Variants in MYCBP2 observed in about 807,000 individuals in gnomAD.
The protein encoded by MYCBP2 is MYC binding protein 2.
In MYCBP2, 120 loss-of-function variants were observed where a neutral mutation model predicts 525.3. The observed-to-expected ratio is 0.23, with a 90% CI of 0.20 to 0.27. The LOEUF is 0.27. Among genes scored for constraint, MYCBP2 ranks in the 10% least tolerant of loss-of-function variants. The pLI is 1.00. For synonymous variants in MYCBP2, 1,894 were observed against 1,955.8 expected (o/e 0.97, Z 0.83); for missense variants, 4,149 against 5,657.1 (o/e 0.73, Z 8.55).
chr13:77,270,601 G>C (rs559011924), intron 5 of MYCBP2, 63 bp from the exon 6 acceptor site: 9 of 1,457,348 alleles, frequency 6.2e-6, no homozygotes, highest in Middle Eastern at 3.7e-4. Context: ...ACAGAACAAA[G>C]ATACTTTGGT....
chr13:77,072,847 A>ATC (rs1310129629), intron 68 of MYCBP2, among the ~76,000 whole-genome samples: 12 of 152,192 alleles, frequency 7.9e-5, no homozygotes, highest in Non-Finnish European at 5.9e-5. Flanking sequence ...CAGCTCTGTT[A>ATC]TCTATTAAAG....
intron 4 of MYCBP2, among the ~76,000 whole-genome samples, chr13:77,276,529 G>C (rs922737058): frequency 6.6e-6 from 1 of 152,166 alleles, no homozygotes; most frequent in African/African-American, 2.4e-5. Flanking sequence ...AAGCAGTGAC[G>C]AGATCAGCAG....
intron 49 of MYCBP2, chr13:77,144,023 A>C (rs890854553): frequency 5.2e-6 from 1 of 190,516 alleles, no homozygotes; most frequent in African/African-American, 2.3e-5. Context: ...GATTAACACA[A>C]TGATCGATTT....
At chr13:77,322,295 G>C (rs1385419102) in intron 1 of MYCBP2, among the ~76,000 whole-genome samples, 1 of 152,162 alleles carries the variant, frequency 6.6e-6, no homozygotes, top group Non-Finnish European at 1.5e-5. Context: ...GTTAAGTTTA[G>C]ATTCCCCATT....
At chr13:77,264,506 T>A (rs1191807522) in intron 8 of MYCBP2, among the ~76,000 whole-genome samples, 1 of 152,142 alleles carries the variant, frequency 6.6e-6, no homozygotes, top group African/African-American at 2.4e-5. Context: ...CACTTAAAAA[T>A]TCAATGTTTA....
chr13:77,257,079 C>T (rs1217755196), intron 14 of MYCBP2, among the ~76,000 whole-genome samples: 1 of 152,066 alleles, frequency 6.6e-6, no homozygotes, highest in African/African-American at 2.4e-5. Flanking sequence ...CTATCATTTG[C>T]AACAACAAGG....
intron 4 of MYCBP2, among the ~76,000 whole-genome samples, 168 bp downstream of exon 4, chr13:77,278,590 G>A (rs1419256809): frequency 6.6e-6 from 1 of 152,192 alleles, no homozygotes; most frequent in Non-Finnish European, 1.5e-5. Context: ...GTGATGTTAT[G>A]ATTCATGAAT....
chr13:77,183,061 C>T (rs942406648), intron 32 of MYCBP2, among the ~76,000 whole-genome samples: 7 of 152,112 alleles, frequency 4.6e-5, no homozygotes, highest in African/African-American at 1.4e-4. Flanking sequence ...TGGTAAATTA[C>T]ATCGATTTTC....
chr13:77,296,239 G>A (rs889164954), intron 2 of MYCBP2, among the ~76,000 whole-genome samples: 3 of 152,020 alleles, frequency 2.0e-5, no homozygotes, highest in African/African-American at 4.8e-5. Flanking sequence ...GGCCAATACC[G>A]TGAGACCCTG....
At chr13:77,282,411 GA>G (rs35046756) in intron 3 of MYCBP2, among the ~76,000 whole-genome samples, 5,068 of 108,352 alleles carry the variant, frequency 0.047, 194 homozygotes, top group East Asian at 0.21. Context: ...ACTCCATCTT[GA>G]AAAAAAAAAA....
In MYCBP2 at chr13:77,045,306, G is replaced by A. The variant is rs2035333522; in HGVS notation, c.*72C>T. The A allele has an allele frequency of 3.2e-5, 34 of 1,047,264 alleles. No homozygotes were observed. In the South Asian group the frequency reaches 4.5e-4, roughly 14 times the overall value. 64.9% of individuals were successfully genotyped at this position (1,047,264 alleles called of 1,614,324 possible). A position where few individuals can be genotyped will look rare whatever the true frequency, so the allele number is the denominator to read the frequency against. On this transcript the variant is annotated 3_prime_UTR_variant, in exon 83 of 83. Transcript: ENST00000544440. ...TGGTCCCGTCCTTATCCTGAGCAGA[G>A]TTTAAACTTCACCGCATCCTCTTGG...
chr13:77,321,265 T>A (rs569975519), intron 1 of MYCBP2, among the ~76,000 whole-genome samples: 2 of 152,358 alleles, frequency 1.3e-5, no homozygotes, highest in South Asian at 4.1e-4. Flanking sequence ...TTTTTTCTTC[T>A]CTTGAGTTAG....
intron 1 of MYCBP2, among the ~76,000 whole-genome samples, chr13:77,314,815 T>A (rs1273257488): frequency 6.6e-6 from 1 of 152,062 alleles, no homozygotes; most frequent in South Asian, 2.1e-4. Context: ...AAAATGCCAC[T>A]CTGGTGGGGG....
intron 1 of MYCBP2, among the ~76,000 whole-genome samples, chr13:77,314,934 AT>A (rs1031352893): frequency 6.6e-6 from 1 of 152,012 alleles, no homozygotes; most frequent in Non-Finnish European, 1.5e-5. Flanking sequence ...TTAAAAAAAT[AT>A]TTTTTTTAAA....
chr13:77,168,745 C>A lies in MYCBP2; in HGVS notation c.5896-99G>T, dbSNP rs1021704771. The A allele has an allele frequency of 4.6e-6, 5 of 1,093,402 alleles. No individual in the cohort carries two copies. In the African/African-American group the frequency reaches 7.9e-5, roughly 17 times the overall value. 67.7% of individuals were successfully genotyped at this position (1,093,402 alleles called of 1,614,324 possible). A position where few individuals can be genotyped will look rare whatever the true frequency, so the allele number is the denominator to read the frequency against. The stretch of plus-strand genomic sequence containing the variant: ...TGTTGGTTACTCTAATAACAATTTC[C>A]ATCTAAATTTTCCACTAGTTAAGTT... On this transcript the variant is annotated intron_variant, in intron 39 of 82. Coordinates refer to ENST00000544440, the MANE Select transcript of MYCBP2 (RefSeq NM_015057.5).
In MYCBP2 at chr13:77,233,213, G is replaced by C. The variant is rs771343109; in HGVS notation, c.2680C>G (p.Leu894Val). The C allele has an allele frequency of 6.2e-7, 1 of 1,613,894 alleles. No homozygotes were observed. Among genetic ancestry groups the C allele is most frequent in the East Asian group, 2.2e-5 (1 of 44,880 alleles). The change falls in exon 18 of 83, where the codon CTA becomes GTA. Residue 894 changes from leucine (L) to valine (V), a missense_variant. By Grantham distance (32) the Leu-to-Val change is conservative. Coordinates refer to ENST00000544440, the MANE Select transcript of MYCBP2 (RefSeq NM_015057.5). ...PIFMNHREQA[L>V]ARLRSHPAQL... Reference sequence around the variant, plus strand: ...GCTGGATGGGATCTGAGTCTGGCTAGAGCCTGTTCTCGATGGTTCATAAAA... The same window carrying C: ...GCTGGATGGGATCTGAGTCTGGCTACAGCCTGTTCTCGATGGTTCATAAAA...
intron 5 of MYCBP2, among the ~76,000 whole-genome samples, chr13:77,270,898 G>A (rs1429172336): frequency 2.0e-5 from 3 of 151,044 alleles, no homozygotes; most frequent in Admixed American, 1.3e-4. Context: ...TTCTCTCCTT[G>A]TCTCTCTGTT....
In MYCBP2 at chr13:77,045,549, A is replaced by C. The variant is rs2035376507; in HGVS notation, c.13922-56T>G. Reference sequence around the variant, plus strand: ...TAATGTTTTAAGAATACACACATATAAACCTCACAGAAATATAAATCACTG... The same window carrying C: ...TAATGTTTTAAGAATACACACATATCAACCTCACAGAAATATAAATCACTG... On this transcript the variant is annotated intron_variant, in intron 82 of 82. Coordinates refer to ENST00000544440, the MANE Select transcript of MYCBP2 (RefSeq NM_015057.5). The C allele has an allele frequency of 2.9e-6, 3 of 1,044,482 alleles. No individual in the cohort carries two copies. In the Admixed American group the frequency reaches 5.7e-5, roughly 20 times the overall value. 64.7% of individuals were successfully genotyped at this position (1,044,482 alleles called of 1,614,324 possible).
intron 40 of MYCBP2, among the ~76,000 whole-genome samples, chr13:77,166,805 C>G (rs1198874443): frequency 6.6e-6 from 1 of 151,966 alleles, no homozygotes; most frequent in African/African-American, 2.4e-5. Context: ...AATTATAAAA[C>G]AAAATCCAAA....
Sources: gnomAD v4.1 joint callset for allele counts (sites outside exome capture counted in the v4.1 genomes callset) on GRCh38, gnomAD v4.1.1 for gene constraint, MANE v1.5 for transcripts, NCBI Gene and HGNC (gene_info 2026-07-23, HGNC 2026-07-21) for gene names.